The following SORBS2 variants were observed in gnomAD, a reference collection of about 807,000 sequenced individuals.
SORBS2 encodes sorbin and SH3 domain containing 2, also known as sorbin and SH3 domain-containing protein 2.
Under a neutral mutation model 97.7 loss-of-function variants are expected in SORBS2, and 46 were observed. The observed-to-expected ratio is 0.47, with a 90% CI of 0.37 to 0.60. SORBS2 has a LOEUF of 0.60. SORBS2 is among the 20% of genes least tolerant of loss of function. The pLI, the probability that SORBS2 is intolerant of heterozygous loss-of-function variation, is 0.00. For synonymous variants in SORBS2, 476 were observed against 473.4 expected (o/e 1.01, Z -0.07); for missense variants, 1,316 against 1,282.3 (o/e 1.03, Z -0.40).
chr4:185,886,104 G>A (rs541319221), intron 1 of SORBS2, among the ~76,000 whole-genome samples: 5 of 152,322 alleles, frequency 3.3e-5, no homozygotes, highest in South Asian at 2.1e-4. Flanking sequence ...GCCCCTGGGC[G>A]ATTGGGGAAA....
chr4:185,813,374 A>G (rs1032051480), intron 1 of SORBS2, among the ~76,000 whole-genome samples: 1 of 152,014 alleles, frequency 6.6e-6, no homozygotes, highest in Admixed American at 6.6e-5. Flanking sequence ...TTCCTCCCCA[A>G]CCGGATTCAC....
intron 11 of SORBS2, among the ~76,000 whole-genome samples, chr4:185,612,691 T>C (rs1388518814): frequency 1.3e-5 from 2 of 152,070 alleles, no homozygotes; most frequent in Admixed American, 1.3e-4. Flanking sequence ...GGTTTCACCA[T>C]GTTGGTCAGG....
At chr4:185,636,346 T>A (rs2097001476) in intron 4 of SORBS2, among the ~76,000 whole-genome samples, 1 of 152,242 alleles carries the variant, frequency 6.6e-6, no homozygotes, top group African/African-American at 2.4e-5. Context: ...TTACAGTCAC[T>A]TTTGATTCAG....
At chr4:185,827,267 CCATCATCACCATCATCATCACCATCAT>C (rs2099201082) in intron 1 of SORBS2, among the ~76,000 whole-genome samples, 1 of 27,526 alleles carries the variant, frequency 3.6e-5, no homozygotes, top group Admixed American at 3.7e-4. Flanking sequence ...ACCATCATCA[CCATCATCACCATCATCATCACCATCAT>C]CATCATCACC....
At chr4:185,612,016 A>G in intron 11 of SORBS2, 36 bp from the exon 24 acceptor site, 1 of 1,290,936 alleles carries the variant, frequency 7.7e-7, no homozygotes, top group Non-Finnish European at 1.1e-6. Context: ...TTAGAAACAG[A>G]GATAGAATAA....
At chr4:185,721,547 A>T (rs1401137668) in intron 2 of SORBS2, among the ~76,000 whole-genome samples, 1 of 152,242 alleles carries the variant, frequency 6.6e-6, no homozygotes, top group Non-Finnish European at 1.5e-5. Context: ...CAAGAAAGTC[A>T]GAGCCCCTCC....
intron 2 of SORBS2, among the ~76,000 whole-genome samples, chr4:185,735,888 G>T (rs938651266): frequency 2.0e-5 from 3 of 152,194 alleles, no homozygotes; most frequent in African/African-American, 7.2e-5. Flanking sequence ...TCCTAATGTT[G>T]CTGAGTTCCC....
intron 2 of SORBS2, among the ~76,000 whole-genome samples, chr4:185,757,886 T>C (rs2098840436): frequency 6.6e-6 from 1 of 152,240 alleles, no homozygotes; most frequent in Non-Finnish European, 1.5e-5. Context: ...GCAGCTTTCC[T>C]ATTTTACTCA....
intron 2 of SORBS2, among the ~76,000 whole-genome samples, chr4:185,691,064 T>A (rs1267204952): frequency 6.6e-6 from 1 of 152,062 alleles, no homozygotes. Context: ...CACACCCAGC[T>A]AATTTTTTTC....
chr4:185,946,257 C>G (rs989346108), intron 1 of SORBS2, among the ~76,000 whole-genome samples: 2 of 151,980 alleles, frequency 1.3e-5, no homozygotes, highest in Admixed American at 1.3e-4. Flanking sequence ...TGTGTGTTTT[C>G]GAAAGTCAAC....
At chr4:185,867,114 C>T (rs1315747428) in intron 1 of SORBS2, among the ~76,000 whole-genome samples, 2 of 152,126 alleles carry the variant, frequency 1.3e-5, no homozygotes, top group Non-Finnish European at 2.9e-5. Flanking sequence ...CAGGTTCAAG[C>T]GATTCTCCTG....
rs115336575 is a variant in SORBS2 at position 185,822,416 on chromosome 4, C to T, written c.-337-47050G>A. The stretch of plus-strand genomic sequence containing the variant: ...CACATCAGGAGAGATGGCACAGCAG[C>T]GCTTCTGAAGTGAGTGCCCGCTTCT... On this transcript the variant is annotated intron_variant, in intron 1 of 20. Transcript: ENST00000284776. Among the ~76,000 whole-genome samples the T allele has an allele frequency of 5.0e-3, 768 of 152,310 alleles. 10 individuals are homozygous for T. Among genetic ancestry groups the T allele is most frequent in the African/African-American group, 0.017 (715 of 41,570 alleles).
intron 1 of SORBS2, among the ~76,000 whole-genome samples, chr4:185,883,793 AGCTATGATCATGCCACTG>A (rs1440959775): frequency 6.6e-6 from 1 of 152,242 alleles, no homozygotes; most frequent in Non-Finnish European, 1.5e-5. Context: ...GGCTGCAGTG[AGCTATGATCATGCCACTG>A]TATGCCAGCC....
intron 1 of SORBS2, among the ~76,000 whole-genome samples, chr4:185,812,731 A>G (rs1224232726): frequency 6.6e-6 from 1 of 152,252 alleles, no homozygotes; most frequent in Non-Finnish European, 1.5e-5. Context: ...TAAATCAGGT[A>G]GACTATTTTA....
chr4:185,593,638 T>TGAA (rs2096012210), intron 13 of SORBS2: 1 of 478,562 alleles, frequency 2.1e-6, no homozygotes, highest in South Asian at 2.7e-5. Context: ...TAGGAATCAC[T>TGAA]GAAGCATTGG....
At chr4:185,830,882 G>T (rs1351207517) in intron 1 of SORBS2, among the ~76,000 whole-genome samples, 5 of 152,176 alleles carry the variant, frequency 3.3e-5, no homozygotes, top group Admixed American at 3.3e-4. Context: ...GGCCTCTGTT[G>T]TTTCCAGTAG....
chr4:185,590,818 C>T (rs2095909456), intron 13 of SORBS2, among the ~76,000 whole-genome samples: 1 of 152,104 alleles, frequency 6.6e-6, no homozygotes, highest in African/African-American at 2.4e-5. Context: ...AGGCAGTTAA[C>T]ATGAAAACTT....
intron 1 of SORBS2, among the ~76,000 whole-genome samples, chr4:185,925,045 A>G (rs1222727169): frequency 1.3e-5 from 2 of 152,236 alleles, no homozygotes; most frequent in Non-Finnish European, 2.9e-5. Flanking sequence ...TTCAAGCCAA[A>G]AAGTTGCCAC....
chr4:185,884,954 C>A (rs770028243), intron 1 of SORBS2, among the ~76,000 whole-genome samples: 55 of 152,136 alleles, frequency 3.6e-4, no homozygotes, highest in Admixed American at 1.0e-3. Flanking sequence ...AGTGGTGGCA[C>A]GGCATAAATT....
Sources: gnomAD v4.1 joint callset for allele counts (sites outside exome capture counted in the v4.1 genomes callset) on GRCh38, gnomAD v4.1.1 for gene constraint, MANE v1.5 for transcripts, NCBI Gene and HGNC (gene_info 2026-07-23, HGNC 2026-07-21) for gene names.